Variants in RALGPS2 observed in about 807,000 individuals in gnomAD.
RALGPS2 encodes the protein Ral GEF with PH domain and SH3 binding motif 2.
RALGPS2 carries 43 observed loss-of-function variants against 86.8 expected under a neutral mutation model. That is an observed-to-expected ratio of 0.50 (90% confidence interval 0.39 to 0.64). The LOEUF is 0.64. RALGPS2 is among the 30% of genes least tolerant of loss of function. RALGPS2 has a pLI of 0.00. For missense variants in RALGPS2, 536 were observed against 694.6 expected (o/e 0.77, Z 2.57); for synonymous variants, 243 against 231.3 (o/e 1.05, Z -0.46).
intron 14 of RALGPS2, 77 bp from the exon 15 acceptor site, chr1:178,892,153 T>C (rs1341580218): frequency 2.1e-5 from 26 of 1,240,646 alleles, no homozygotes; most frequent in Non-Finnish European, 2.8e-5. Context: ...GAAACTATTA[T>C]ACTGTTCTAG....
chr1:178,867,853 T>A (rs1485884445), intron 8 of RALGPS2, among the ~76,000 whole-genome samples: 1 of 151,882 alleles, frequency 6.6e-6, no homozygotes, highest in East Asian at 2.0e-4. Flanking sequence ...GAAATATAAC[T>A]CTTATGCTGT....
At chr1:178,784,338 A>G in intron 2 of RALGPS2, 80 bp from the exon 3 acceptor site, 2 of 1,084,138 alleles carry the variant, frequency 1.8e-6, no homozygotes, top group Non-Finnish European at 2.6e-6. Context: ...TTGTTTTCTC[A>G]GTTTTTAAGG....
Position 178,885,985 on chromosome 1 carries a change from A to G in RALGPS2, c.1057A>G (p.Asn353Asp). The G allele has an allele frequency of 6.3e-7, 1 of 1,595,100 alleles. No homozygotes were observed. Among genetic ancestry groups the G allele is most frequent in the Non-Finnish European group, 8.5e-7 (1 of 1,173,860 alleles). ...SLGYNFIHKM[N>D]TAEFKSATFP... The stretch of plus-strand genomic sequence containing the variant: ...TGTTTCTAGTTTCATTCATAAAATG[A>G]ACACAGCAGAATTTAAGAGTGCAAC... Residue 353 changes from asparagine to aspartate, a missense_variant, in exon 13 of 20, where the codon AAC (asparagine) becomes GAC (aspartate). By Grantham distance (23) the Asn-to-Asp change is conservative. Coordinates refer to ENST00000367635, the MANE Select transcript of RALGPS2 (RefSeq NM_152663.5).
intron 8 of RALGPS2, among the ~76,000 whole-genome samples, chr1:178,862,374 G>T (rs1417800736): frequency 6.6e-6 from 1 of 152,030 alleles, no homozygotes; most frequent in African/African-American, 2.4e-5. Context: ...GCAACTGCAG[G>T]TAAGACACTG....
intron 9 of RALGPS2, among the ~76,000 whole-genome samples, chr1:178,878,700 C>G (rs1659100891): frequency 6.6e-6 from 1 of 152,060 alleles, no homozygotes; most frequent in Non-Finnish European, 1.5e-5. Context: ...ATACAACAAT[C>G]TATACAAACA....
chr1:178,736,741 A>G (rs1318600679), intron 1 of RALGPS2, among the ~76,000 whole-genome samples: 1 of 152,014 alleles, frequency 6.6e-6, no homozygotes, highest in East Asian at 1.9e-4. Flanking sequence ...TCTACAAAAA[A>G]ATGCAAAAAA....
chr1:178,861,558 A>G (rs1197586517), intron 8 of RALGPS2, among the ~76,000 whole-genome samples: 2 of 152,148 alleles, frequency 1.3e-5, no homozygotes, highest in Non-Finnish European at 1.5e-5. Context: ...AAAAATGTGA[A>G]TAGTGATTTC....
chr1:178,788,752 T>A (rs1383798482), intron 4 of RALGPS2, among the ~76,000 whole-genome samples: 1 of 152,144 alleles, frequency 6.6e-6, no homozygotes, highest in Admixed American at 6.6e-5. Context: ...AAGTGACATT[T>A]TCCGCGTTAG....
Position 178,886,081 on chromosome 1 carries a change from C to A in RALGPS2, c.1153C>A (p.Gln385Lys), listed in dbSNP as rs1659468761. The change falls in exon 13 of 20, where the codon CAA (glutamine) becomes AAA (lysine). Residue 385 changes from glutamine (Q) to lysine (K), a missense_variant. Gln to Lys is a moderately conservative substitution (Grantham distance 53). Coordinates refer to ENST00000367635, the MANE Select transcript of RALGPS2 (RefSeq NM_152663.5). Reference sequence around the variant, plus strand: ...GGAGCCCCATGCGCCATCTCGAGGCCAAGCTGAAAGTTCTACTCTTTCTAG... The same window carrying A: ...GGAGCCCCATGCGCCATCTCGAGGCAAAGCTGAAAGTTCTACTCTTTCTAG... ...VMEPHAPSRG[Q>K]AESSTLSSGI... 1.2e-6 allele frequency: 2 copies of A among 1,613,236 alleles called. No homozygotes were observed. The highest frequency in any genetic ancestry group is 1.7e-6 in the Non-Finnish European group (2 of 1,179,812).
At chr1:178,866,354 T>A (rs1251666522) in intron 8 of RALGPS2, among the ~76,000 whole-genome samples, 1 of 152,180 alleles carries the variant, frequency 6.6e-6, no homozygotes, top group Non-Finnish European at 1.5e-5. Context: ...TTCAATAAAG[T>A]TAAAGATTTT....
intron 17 of RALGPS2, 73 bp downstream of exon 17, chr1:178,897,829 T>A (rs1660013777): frequency 7.6e-7 from 1 of 1,311,114 alleles, no homozygotes; most frequent in Admixed American, 1.9e-5. Flanking sequence ...GCAGTCCTAA[T>A]GGGATACAAA....
At chr1:178,818,492 T>C (rs1386397312) in intron 6 of RALGPS2, among the ~76,000 whole-genome samples, 1 of 152,216 alleles carries the variant, frequency 6.6e-6, no homozygotes, top group East Asian at 1.9e-4. Context: ...ATCTGTACTT[T>C]GTATGGTACA....
chr1:178,887,218 C>T lies in RALGPS2; in HGVS notation c.1192+1098C>T, dbSNP rs561865597. ...CTGTAATCCCAGCACTTTGGGAGGCCCAGATGGGCAGATCTCTTGAGGTCA... is the reference window on the plus strand; with the variant it reads ...CTGTAATCCCAGCACTTTGGGAGGCTCAGATGGGCAGATCTCTTGAGGTCA... On this transcript the variant is annotated intron_variant, in intron 13 of 19. Coordinates refer to ENST00000367635, the MANE Select transcript of RALGPS2 (RefSeq NM_152663.5). 3.7e-4 allele frequency among the ~76,000 whole-genome samples: 57 copies of T among 152,134 alleles called. 1 individual carries two copies. In the South Asian group the frequency reaches 0.011, roughly 29 times the overall value.
chr1:178,862,018 A>T (rs769159460), intron 8 of RALGPS2, among the ~76,000 whole-genome samples: 21 of 151,990 alleles, frequency 1.4e-4, no homozygotes, highest in Non-Finnish European at 2.1e-4. Flanking sequence ...GATTACAGGC[A>T]CGCACCACCA....
chr1:178,774,446 T>C (rs1298862681), intron 1 of RALGPS2, among the ~76,000 whole-genome samples: 1 of 152,236 alleles, frequency 6.6e-6, no homozygotes, highest in Non-Finnish European at 1.5e-5. Context: ...AATTAAAATC[T>C]TTTTCTTAGC....
intron 8 of RALGPS2, among the ~76,000 whole-genome samples, chr1:178,856,214 T>G (rs749405974): frequency 0.079 from 5,905 of 74,818 alleles, 242 homozygotes; most frequent in Non-Finnish European, 0.12. Flanking sequence ...TATATATATA[T>G]ATATATATAT....
Position 178,878,836 on chromosome 1 carries a change from G to A in RALGPS2, c.746-66G>A, listed in dbSNP as rs943387917. The A allele has an allele frequency of 2.5e-6, 4 of 1,569,920 alleles. No homozygotes were observed. The African/African-American group carries it at 5.5e-5, about 22-fold the overall frequency. ...TTAATTTACCTTTAAGTTATTTTCAGCTTAATTTTTAAAGTTCTGGTTAAG... is the reference window on the plus strand; with the variant it reads ...TTAATTTACCTTTAAGTTATTTTCAACTTAATTTTTAAAGTTCTGGTTAAG... On this transcript the variant is annotated intron_variant, in intron 9 of 19. Coordinates refer to ENST00000367635, the MANE Select transcript of RALGPS2 (RefSeq NM_152663.5).
chr1:178,873,955 A>G (rs553135653), intron 8 of RALGPS2, among the ~76,000 whole-genome samples: 1 of 152,088 alleles, frequency 6.6e-6, no homozygotes, highest in East Asian at 1.9e-4. Context: ...ATCTCGGCTC[A>G]CTACAAGCTC....
At chr1:178,912,950 GT>G (rs1427713482) in intron 19 of RALGPS2, among the ~76,000 whole-genome samples, 1 of 151,982 alleles carries the variant, frequency 6.6e-6, no homozygotes, top group Non-Finnish European at 1.5e-5. Flanking sequence ...TCTTTCCTTG[GT>G]TTGGTCTATT....
Sources: gnomAD v4.1 joint callset for allele counts (sites outside exome capture counted in the v4.1 genomes callset) on GRCh38, gnomAD v4.1.1 for gene constraint, MANE v1.5 for transcripts, NCBI Gene and HGNC (gene_info 2026-07-23, HGNC 2026-07-21) for gene names.